The following SIPA1L1 variants were observed in gnomAD, a reference collection of about 807,000 sequenced individuals.
SIPA1L1 encodes signal induced proliferation associated 1 like 1.
In SIPA1L1, 26 loss-of-function variants were observed where a neutral mutation model predicts 162.7. That is an observed-to-expected ratio of 0.16 (90% CI 0.12 to 0.22). The LOEUF is 0.22. SIPA1L1 is among the 10% of genes least tolerant of loss of function. SIPA1L1 has a pLI of 1.00. For synonymous variants in SIPA1L1, 829 were observed against 837.4 expected (o/e 0.99, Z 0.17); for missense variants, 1,874 against 2,241.0 (o/e 0.84, Z 3.31).
intron 2 of SIPA1L1, among the ~76,000 whole-genome samples, chr14:71,332,544 A>G (rs1027121525): frequency 6.6e-6 from 1 of 152,172 alleles, no homozygotes; most frequent in African/African-American, 2.4e-5. Flanking sequence ...TTTTCTAAGA[A>G]AGAGTACCAA....
At chr14:71,590,265 C>G (rs1023946531) in intron 5 of SIPA1L1, among the ~76,000 whole-genome samples, 1 of 151,720 alleles carries the variant, frequency 6.6e-6, no homozygotes, top group African/African-American at 2.4e-5. Context: ...GGTAGACAAA[C>G]GAGGAAACAG....
intron 2 of SIPA1L1, among the ~76,000 whole-genome samples, chr14:71,472,131 C>T (rs2047510191): frequency 6.6e-6 from 1 of 152,230 alleles, no homozygotes; most frequent in Admixed American, 6.5e-5. Flanking sequence ...ACCACCCTCA[C>T]TGCTTTGGGT....
At chr14:71,688,723 A>C (rs1021566685) in intron 13 of SIPA1L1, among the ~76,000 whole-genome samples, 1 of 152,182 alleles carries the variant, frequency 6.6e-6, no homozygotes. Context: ...TGTACTCACC[A>C]AGTATAATTT....
At chr14:71,691,397 G>T (rs1185552526) in intron 13 of SIPA1L1, among the ~76,000 whole-genome samples, 2 of 152,104 alleles carry the variant, frequency 1.3e-5, no homozygotes, top group South Asian at 4.1e-4. Flanking sequence ...TTCAAGACCA[G>T]CCTGGGCAAC....
chr14:71,443,427 T>C (rs1183125184), intron 2 of SIPA1L1, among the ~76,000 whole-genome samples: 1 of 152,216 alleles, frequency 6.6e-6, no homozygotes, highest in African/African-American at 2.4e-5. Context: ...TTTGTGCTTG[T>C]TTGTATTTAT....
chr14:71,632,784 G>A (rs1413693190), intron 7 of SIPA1L1, among the ~76,000 whole-genome samples: 3 of 152,154 alleles, frequency 2.0e-5, no homozygotes, highest in East Asian at 1.9e-4. Context: ...GCAATACAGA[G>A]GTGTTGCTTT....
At chr14:71,389,031 C>T (rs572521669) in intron 2 of SIPA1L1, among the ~76,000 whole-genome samples, 2 of 152,150 alleles carry the variant, frequency 1.3e-5, no homozygotes, top group Non-Finnish European at 2.9e-5. Flanking sequence ...CCTTCTAGCT[C>T]GACCTCTCGA....
At chr14:71,423,234 T>G (rs2043315335) in intron 2 of SIPA1L1, among the ~76,000 whole-genome samples, 1 of 152,210 alleles carries the variant, frequency 6.6e-6, no homozygotes, top group Non-Finnish European at 1.5e-5. Context: ...GTCAGATATA[T>G]GAATATGATT....
chr14:71,646,203 G>A (rs965833152), intron 7 of SIPA1L1, among the ~76,000 whole-genome samples: 1 of 148,706 alleles, frequency 6.7e-6, no homozygotes, highest in Non-Finnish European at 1.5e-5. Flanking sequence ...TTGAGACGGA[G>A]TCTTGCTCCG....
intron 4 of SIPA1L1, among the ~76,000 whole-genome samples, chr14:71,544,007 GTA>G (rs1320566327): frequency 6.8e-6 from 1 of 147,194 alleles, no homozygotes; most frequent in Non-Finnish European, 1.5e-5. Flanking sequence ...ACACGCACAT[GTA>G]TATATACACA....
chr14:71,523,714 A>G (rs1388761413), intron 3 of SIPA1L1, among the ~76,000 whole-genome samples: 1 of 152,218 alleles, frequency 6.6e-6, no homozygotes, highest in Non-Finnish European at 1.5e-5. Flanking sequence ...TTTTCCTATA[A>G]GAAAGAGCTT....
intron 12 of SIPA1L1, among the ~76,000 whole-genome samples, chr14:71,679,742 A>C (rs943940774): frequency 6.6e-6 from 1 of 152,216 alleles, no homozygotes; most frequent in Non-Finnish European, 1.5e-5. Flanking sequence ...AGGAAGATCT[A>C]CCAAGCAAAT....
intron 2 of SIPA1L1, among the ~76,000 whole-genome samples, chr14:71,324,779 A>T (rs1028016393): frequency 9.9e-5 from 15 of 152,210 alleles, no homozygotes; most frequent in Non-Finnish European, 1.6e-4. Flanking sequence ...GGAAGAAATT[A>T]GGTGTACCAT....
intron 14 of SIPA1L1, among the ~76,000 whole-genome samples, chr14:71,700,412 C>T (rs2081994841): frequency 6.6e-6 from 1 of 152,210 alleles, no homozygotes; most frequent in South Asian, 2.1e-4. Context: ...TAACTGGCAT[C>T]TCCATGCCTT....
intron 13 of SIPA1L1, among the ~76,000 whole-genome samples, chr14:71,693,993 G>C (rs1336293454): frequency 6.6e-6 from 1 of 152,164 alleles, no homozygotes; most frequent in African/African-American, 2.4e-5. Context: ...GGAATAAAAA[G>C]TAAGAAATAG....
chr14:71,725,072 G>A (rs1242783294), intron 19 of SIPA1L1, among the ~76,000 whole-genome samples: 1 of 152,198 alleles, frequency 6.6e-6, no homozygotes, highest in African/African-American at 2.4e-5. Context: ...CCCTACAGCT[G>A]TTTATTCTTC....
rs1475867744 is a variant in SIPA1L1, at chr14:71,377,196, G to C, written c.-465+56015G>C. On this transcript the variant is annotated intron_variant, in intron 2 of 23. Transcript: ENST00000381232. This position sits in a 1 kb window ranked among gnomAD's most constrained non-coding sequence, Gnocchi z 4.8. ...CCAGATGGGGCGGCGGCCGGGTGGG[G>C]GCGCCCCCCCACCTCCCAGATGGGG... 6.6e-6 allele frequency among the ~76,000 whole-genome samples: 1 copy of C among 150,782 alleles called. No individual in the cohort carries two copies. The highest frequency in any genetic ancestry group is 1.5e-5 in the Non-Finnish European group (1 of 67,576).
intron 2 of SIPA1L1, among the ~76,000 whole-genome samples, chr14:71,356,577 A>AAAAAAAAAAAAAAAAAAAAAAAAAAAC (rs1364111045): frequency 7.0e-6 from 1 of 142,662 alleles, no homozygotes; most frequent in Non-Finnish European, 1.5e-5. Context: ...CAAAAAAAAA[A>AAAAAAAAAAAAAAAAAAAAAAAAAAAC]AAAAAAAAAA....
chr14:71,429,459 T>G (rs1318271584), intron 2 of SIPA1L1, among the ~76,000 whole-genome samples: 1 of 152,160 alleles, frequency 6.6e-6, no homozygotes, highest in Non-Finnish European at 1.5e-5. Context: ...TTGGTTCATA[T>G]AATCCCAGTT....
Sources: allele counts gnomAD v4.1 joint callset (sites outside exome capture counted in the v4.1 genomes callset), GRCh38; gene constraint gnomAD v4.1.1; non-coding constraint Gnocchi (gnomAD v3.1); transcripts MANE v1.5; gene names NCBI Gene and HGNC (gene_info 2026-07-23, HGNC 2026-07-21).